LMNTD1: variants seen among roughly 807,000 people sequenced by gnomAD.
The protein encoded by LMNTD1 is lamin tail domain containing 1.
In LMNTD1, 35 loss-of-function variants were observed where a neutral mutation model predicts 50.9. The ratio of observed to expected loss-of-function variants is 0.69; its 90% CI spans 0.53 to 0.91. The LOEUF is 0.91. Among genes scored for constraint, LMNTD1 ranks in the 40% least tolerant of loss-of-function variants. LMNTD1 has a pLI of 0.00. For synonymous variants in LMNTD1, 153 were observed against 161.9 expected, an observed-to-expected ratio of 0.94 and a Z score of 0.42; for missense variants, 470 against 475.5, an observed-to-expected ratio of 0.99 and a Z score of 0.11.
intron 8 of LMNTD1, among the ~76,000 whole-genome samples, chr12:25,515,344 A>G (rs545473673): frequency 3.0e-4 from 45 of 152,240 alleles, no homozygotes; most frequent in Admixed American, 2.7e-3. Flanking sequence ...AGGTCTCTCT[A>G]TATTACTATA....
intron 1 of LMNTD1, among the ~76,000 whole-genome samples, chr12:25,614,096 A>G (rs1359982578): frequency 6.6e-6 from 1 of 152,112 alleles, no homozygotes; most frequent in African/African-American, 2.4e-5. Context: ...ATCTAAAAAA[A>G]GTGTCCATTG....
chr12:25,588,057 C>T (rs1454526955), intron 1 of LMNTD1, among the ~76,000 whole-genome samples: 1 of 151,976 alleles, frequency 6.6e-6, no homozygotes, highest in African/African-American at 2.4e-5. Flanking sequence ...AGTTAGGCTA[C>T]TGGTATTAAG....
intron 8 of LMNTD1, among the ~76,000 whole-genome samples, chr12:25,514,950 A>G (rs1940643216): frequency 2.0e-5 from 3 of 152,172 alleles, no homozygotes; most frequent in African/African-American, 7.2e-5. Flanking sequence ...ATATTTTACT[A>G]TGTTGGTGGG....
chr12:25,647,721 C>T (rs567411795), intron 1 of LMNTD1, among the ~76,000 whole-genome samples: 340 of 152,242 alleles, frequency 2.2e-3, no homozygotes, highest in Non-Finnish European at 3.0e-3. Context: ...GTTCTCAGTA[C>T]TATACATAAA....
In LMNTD1 at chr12:25,549,495, C is replaced by G; in HGVS notation, c.141G>C (p.Met47Ile). 6.2e-7 allele frequency: 1 copy of G among 1,613,136 alleles called. No individual in the cohort carries two copies. The highest frequency in any genetic ancestry group is 8.5e-7 in the Non-Finnish European group (1 of 1,179,372). The change falls in exon 3 of 10, where the codon ATG becomes ATC. Residue 47 changes from methionine to isoleucine, a missense_variant. Physicochemically the swap from Met to Ile is conservative, Grantham distance 10 (BLOSUM62 1). Transcript: ENST00000458174. Reference sequence around the variant, plus strand: ...GCAGTGTTGTGGCAACTGAACCCAACATCTTTGGGGAAAAATGTACTAAAG... The same window carrying G: ...GCAGTGTTGTGGCAACTGAACCCAAGATCTTTGGGGAAAAATGTACTAAAG... ...VYSLVHFSPKMLGSVATTLPL... is the reference protein window; with the variant it reads ...VYSLVHFSPKILGSVATTLPL...
chr12:25,511,592 T>C (rs1348198866), intron 8 of LMNTD1, among the ~76,000 whole-genome samples: 1 of 152,220 alleles, frequency 6.6e-6, no homozygotes, highest in Non-Finnish European at 1.5e-5. Context: ...CATTTCATTT[T>C]TCACATTGCT....
intron 1 of LMNTD1, among the ~76,000 whole-genome samples, chr12:25,629,073 T>C (rs992053480): frequency 6.6e-6 from 1 of 152,200 alleles, no homozygotes; most frequent in Non-Finnish European, 1.5e-5. Flanking sequence ...CCTAATAACA[T>C]ACTGAAGATG....
In LMNTD1 at chr12:25,546,657, A is replaced by G. The variant is rs150798436; in HGVS notation, c.311-103T>C. The stretch of plus-strand genomic sequence containing the variant: ...CTTTATTCTCTGCTTCTACAAAATT[A>G]TATTTTTACATTTTAATATCACTAT... On this transcript the variant is annotated intron_variant, in intron 3 of 9. Coordinates refer to ENST00000458174, the MANE Select transcript of LMNTD1 (RefSeq NM_001145728.2). 4.6e-4 allele frequency: 282 copies of G among 612,434 alleles called. No homozygotes were observed. The African/African-American group carries it at 4.8e-3, about 10-fold the overall frequency. The allele number at this position is 612,434 out of a possible 1,614,324, so 37.9% of individuals were successfully genotyped here. A position where few individuals can be genotyped will look rare whatever the true frequency, so the allele number is the denominator to read the frequency against.
At chr12:25,620,073 T>A (rs1946439098) in intron 1 of LMNTD1, among the ~76,000 whole-genome samples, 1 of 152,238 alleles carries the variant, frequency 6.6e-6, no homozygotes, top group African/African-American at 2.4e-5. Context: ...CTTTTAACTC[T>A]GCTTTAAATT....
chr12:25,528,573 A>C (rs1941978663), intron 4 of LMNTD1, among the ~76,000 whole-genome samples: 2 of 152,176 alleles, frequency 1.3e-5, no homozygotes, highest in South Asian at 4.1e-4. Context: ...TCCTTCAACA[A>C]TATCTCTATT....
At chr12:25,562,603 A>G (rs906665125) in intron 1 of LMNTD1, among the ~76,000 whole-genome samples, 1 of 152,082 alleles carries the variant, frequency 6.6e-6, no homozygotes, top group Non-Finnish European at 1.5e-5. Flanking sequence ...GAATCTGACA[A>G]TTATGTGTCT....
intron 4 of LMNTD1, among the ~76,000 whole-genome samples, chr12:25,538,958 A>C (rs1942842562): frequency 1.3e-5 from 2 of 148,598 alleles, no homozygotes; most frequent in African/African-American, 5.0e-5. Flanking sequence ...AAACCAACAA[A>C]GATCAAAAGA....
At chr12:25,488,800 A>G (rs1257609605) in intron 9 of LMNTD1, among the ~76,000 whole-genome samples, 2 of 152,128 alleles carry the variant, frequency 1.3e-5, no homozygotes, top group African/African-American at 4.8e-5. Flanking sequence ...TGATGTACAG[A>G]TGGGTTTTCG....
chr12:25,552,581 G>GGAAAAAAAA (rs1352627059), intron 2 of LMNTD1, among the ~76,000 whole-genome samples: 27 of 58,168 alleles, frequency 4.6e-4, no homozygotes, highest in South Asian at 9.7e-4. Context: ...CACTCTGTCT[G>GGAAAAAAAA]AAAAAAAAAA....
intron 6 of LMNTD1, among the ~76,000 whole-genome samples, chr12:25,520,969 G>A (rs1408930109): frequency 6.6e-6 from 1 of 152,178 alleles, no homozygotes; most frequent in Non-Finnish European, 1.5e-5. Context: ...GTGATGTTGA[G>A]CATCTTTTAA....
chr12:25,647,078 A>T (rs573862487), intron 1 of LMNTD1, among the ~76,000 whole-genome samples: 1 of 152,336 alleles, frequency 6.6e-6, no homozygotes, highest in East Asian at 1.9e-4. Flanking sequence ...AAATCCTTAC[A>T]ATGTCATTTT....
intron 1 of LMNTD1, among the ~76,000 whole-genome samples, chr12:25,614,327 G>C (rs1451562503): frequency 6.6e-6 from 1 of 151,850 alleles, no homozygotes; most frequent in Non-Finnish European, 1.5e-5. Flanking sequence ...TCAGTTCTCG[G>C]TACTGAGCAC....
At chr12:25,577,850 C>T (rs751277018) in intron 1 of LMNTD1, among the ~76,000 whole-genome samples, 4 of 152,100 alleles carry the variant, frequency 2.6e-5, no homozygotes, top group South Asian at 2.1e-4. Context: ...AGATTCTGCG[C>T]GTGTGAGGCA....
At chr12:25,498,408 A>T (rs139293645) in intron 9 of LMNTD1, among the ~76,000 whole-genome samples, 5 of 152,244 alleles carry the variant, frequency 3.3e-5, no homozygotes, top group African/African-American at 1.2e-4. Flanking sequence ...CCAGCTGGTT[A>T]CTCCGTAGAA....
Sources: allele counts gnomAD v4.1 joint callset (sites outside exome capture counted in the v4.1 genomes callset), GRCh38; gene constraint gnomAD v4.1.1; transcripts MANE v1.5; gene names NCBI Gene and HGNC (gene_info 2026-07-23, HGNC 2026-07-21).